Variants in DCAF8 observed in about 807,000 individuals in gnomAD.
The protein encoded by DCAF8 is DDB1- and CUL4-associated factor 8.
Under a neutral mutation model 68.0 loss-of-function variants are expected in DCAF8, and 20 were observed. The observed-to-expected ratio is 0.29, with a 90% CI of 0.21 to 0.43. The LOEUF is 0.43. Ranked by LOEUF, DCAF8 falls within the 20% of genes least tolerant of loss-of-function variation. DCAF8 has a pLI of 1.00. For missense variants in DCAF8, 460 were observed against 771.0 expected, an observed-to-expected ratio of 0.60 and a Z score of 4.78; for synonymous variants, 230 against 276.9, an observed-to-expected ratio of 0.83 and a Z score of 1.68.
At chr1:160,232,874 T>A (rs1465933741) in intron 6 of DCAF8, among the ~76,000 whole-genome samples, 1 of 152,078 alleles carries the variant, frequency 6.6e-6, no homozygotes, top group Non-Finnish European at 1.5e-5. Flanking sequence ...AACTGATAAA[T>A]TTTTCACTGA....
intron 6 of DCAF8, among the ~76,000 whole-genome samples, chr1:160,235,393 A>T (rs1655833383): frequency 6.6e-6 from 1 of 152,026 alleles, no homozygotes; most frequent in Non-Finnish European, 1.5e-5. Flanking sequence ...TGCTGGGGTT[A>T]CAGGCATGAG....
At chr1:160,248,559 C>T (rs1210125327) in intron 2 of DCAF8, among the ~76,000 whole-genome samples, 1 of 151,696 alleles carries the variant, frequency 6.6e-6, no homozygotes, top group Non-Finnish European at 1.5e-5. Flanking sequence ...CATAGTGAAA[C>T]CCCGTCTTTA....
chr1:160,229,033 C>A (rs563395830), intron 7 of DCAF8, among the ~76,000 whole-genome samples: 4 of 152,170 alleles, frequency 2.6e-5, no homozygotes, highest in Non-Finnish European at 5.9e-5. Context: ...GGCGCGGTGG[C>A]TCACGACTGT....
chr1:160,218,281 A>G (rs1339329256), intron 13 of DCAF8, 43 bp downstream of exon 13: 1 of 1,525,416 alleles, frequency 6.6e-7, no homozygotes, highest in Non-Finnish European at 9.1e-7. Flanking sequence ...AGCCCTCTTA[A>G]AAGGGTCACT....
chr1:160,242,638 G>C (rs867610613), intron 3 of DCAF8, among the ~76,000 whole-genome samples: 2 of 152,082 alleles, frequency 1.3e-5, no homozygotes. Context: ...GTAGGGGTTT[G>C]CAAATTTTTT....
chr1:160,223,443 C>T (rs1323570932), intron 10 of DCAF8, among the ~76,000 whole-genome samples: 1 of 152,054 alleles, frequency 6.6e-6, no homozygotes, highest in Non-Finnish European at 1.5e-5. Context: ...ATCTCCAAGA[C>T]AAAATCATGA....
chr1:160,224,836 C>A (rs527336855), intron 9 of DCAF8, among the ~76,000 whole-genome samples: 36 of 152,366 alleles, frequency 2.4e-4, no homozygotes, highest in African/African-American at 8.7e-4. Context: ...TCAGGACAGG[C>A]CCTGCCAAAT....
intron 11 of DCAF8, among the ~76,000 whole-genome samples, chr1:160,221,761 GT>G (rs1209573351): frequency 1.4e-5 from 2 of 146,714 alleles, no homozygotes; most frequent in Non-Finnish European, 3.0e-5. Flanking sequence ...CCCATCTCCT[GT>G]GGTCCAAAAA....
chr1:160,218,043 A>AC, intron 13 of DCAF8: 1 of 519,658 alleles, frequency 1.9e-6, no homozygotes. Context: ...GAAGGGTCAC[A>AC]CTGAGACTTG....
At chr1:160,248,469 C>A (rs1280337293) in intron 2 of DCAF8, among the ~76,000 whole-genome samples, 1 of 151,786 alleles carries the variant, frequency 6.6e-6, no homozygotes, top group African/African-American at 2.4e-5. Flanking sequence ...GGCGTGGAGG[C>A]TCACGCCTGT....
chr1:160,243,707 A>G (rs1571102280), intron 3 of DCAF8, among the ~76,000 whole-genome samples: 2 of 152,184 alleles, frequency 1.3e-5, no homozygotes, highest in Non-Finnish European at 2.9e-5. Context: ...TTATAGCTTT[A>G]TAGAACTCCA....
At chr1:160,252,777 C>T (rs568945850) in intron 2 of DCAF8, among the ~76,000 whole-genome samples, 21 of 152,210 alleles carry the variant, frequency 1.4e-4, no homozygotes, top group Admixed American at 5.2e-4. Context: ...TAATGTTTAG[C>T]TCAATAAGCA....
At position 160,240,199 on chromosome 1, in the gene DCAF8, T is replaced by C; in HGVS notation, c.221A>G (p.Glu74Gly). The change falls in exon 4 of 14, where the codon GAA becomes GGA. Residue 74 changes from glutamate (E) to glycine (G), a missense_variant. By Grantham distance (98) the Glu-to-Gly change is moderately conservative. This residue lies in a region of DCAF8 where 156 missense variants were observed against 181.4 expected (regional missense o/e 0.86). Coordinates refer to ENST00000368074, the MANE Select transcript of DCAF8 (RefSeq NM_015726.4). ...CTCCATGCTGTCAGAGTCCTTATCTTCACCTGAGCTCTCTGTGTCTGTGCC... is the reference window on the plus strand; with the variant it reads ...CTCCATGCTGTCAGAGTCCTTATCTCCACCTGAGCTCTCTGTGTCTGTGCC... ...SRGTDTESSG[E>G]DKDSDSMEDT... 6.2e-7 allele frequency: 1 copy of C among 1,614,126 alleles called. No homozygotes were observed. The highest frequency in any genetic ancestry group is 1.7e-5 in the Admixed American group (1 of 60,010).
intron 11 of DCAF8, 63 bp downstream of exon 11, chr1:160,222,588 C>A: frequency 6.3e-7 from 1 of 1,597,632 alleles, no homozygotes; most frequent in Non-Finnish European, 8.6e-7. Context: ...AGTGTCCCTG[C>A]TAAAACCTAC....
At chr1:160,258,708 G>A (rs1487373228) in intron 2 of DCAF8, among the ~76,000 whole-genome samples, 1 of 151,882 alleles carries the variant, frequency 6.6e-6, no homozygotes, top group Non-Finnish European at 1.5e-5. Flanking sequence ...TTGAGCCCAG[G>A]AGTTTGAGAC....
chr1:160,255,309 T>C (rs557590881), intron 2 of DCAF8, among the ~76,000 whole-genome samples: 3 of 152,356 alleles, frequency 2.0e-5, no homozygotes, highest in East Asian at 1.9e-4. Flanking sequence ...TTTTTTACTA[T>C]TATTATCGTA....
chr1:160,261,011 A>G (rs1657066971), intron 2 of DCAF8, among the ~76,000 whole-genome samples: 2 of 152,214 alleles, frequency 1.3e-5, no homozygotes. Flanking sequence ...AAATGAATAA[A>G]GAAGAAAAGA....
intron 6 of DCAF8, among the ~76,000 whole-genome samples, chr1:160,233,495 C>T (rs1028682969): frequency 3.3e-5 from 5 of 152,100 alleles, no homozygotes; most frequent in Non-Finnish European, 7.3e-5. Flanking sequence ...CTCAAAAACA[C>T]AAGGCAGGAA....
At chr1:160,248,676 C>T (rs1656457183) in intron 2 of DCAF8, among the ~76,000 whole-genome samples, 1 of 151,718 alleles carries the variant, frequency 6.6e-6, no homozygotes, top group Admixed American at 6.6e-5. Context: ...GCACTCCAGC[C>T]TGGTGACAGA....
Sources: allele counts gnomAD v4.1 joint callset (sites outside exome capture counted in the v4.1 genomes callset), GRCh38; gene constraint gnomAD v4.1.1; regional missense constraint gnomAD v4.1.1; transcripts MANE v1.5; gene names NCBI Gene and HGNC (gene_info 2026-07-23, HGNC 2026-07-21).